Variants in DIAPH2 observed in about 807,000 individuals in gnomAD.
The protein encoded by DIAPH2 is protein diaphanous homolog 2.
Under a neutral mutation model 92.7 loss-of-function variants are expected in DIAPH2, and 35 were observed. The observed-to-expected ratio is 0.38, with a 90% CI of 0.29 to 0.50. The LOEUF is 0.50. DIAPH2 is among the 20% of genes least tolerant of loss of function. The pLI is 0.94. For synonymous variants in DIAPH2, 301 were observed against 280.4 expected, an observed-to-expected ratio of 1.07 and a Z score of -0.73; for missense variants, 701 against 819.5, an observed-to-expected ratio of 0.86 and a Z score of 1.77.
chrX:97,304,512 A>G (rs1226543372), intron 23 of DIAPH2, among the ~76,000 whole-genome samples: 1 of 112,300 alleles, frequency 8.9e-6, no homozygotes, highest in East Asian at 2.8e-4. Flanking sequence ...AAAGGCCCGG[A>G]TAGATATATT....
chrX:97,262,818 G>C (rs2068300205), intron 23 of DIAPH2, among the ~76,000 whole-genome samples: 1 of 112,010 alleles, frequency 8.9e-6, no homozygotes, highest in Non-Finnish European at 1.9e-5. Flanking sequence ...AGACGGAGAA[G>C]AGAGAGGTCC....
intron 22 of DIAPH2, among the ~76,000 whole-genome samples, chrX:97,186,272 T>C (rs2067604086): frequency 9.0e-6 from 1 of 111,562 alleles, no homozygotes; most frequent in Non-Finnish European, 1.9e-5. Flanking sequence ...AGTCACTGAT[T>C]TTTTTGAAAA....
intron 15 of DIAPH2, among the ~76,000 whole-genome samples, chrX:96,950,032 G>A (rs1440502075): frequency 9.0e-6 from 1 of 110,528 alleles, no homozygotes; most frequent in Non-Finnish European, 1.9e-5. Flanking sequence ...CCTACCCTTA[G>A]CCTGTATTAC....
At chrX:97,537,365 C>T (rs1451524539) in intron 26 of DIAPH2, among the ~76,000 whole-genome samples, 2 of 111,816 alleles carry the variant, frequency 1.8e-5, no homozygotes, top group Admixed American at 9.5e-5. Context: ...ATTTGAATGT[C>T]TATTGGGCAA....
intron 5 of DIAPH2, among the ~76,000 whole-genome samples, 177 bp downstream of exon 5, chrX:96,881,895 G>C (rs2065215363): frequency 9.0e-6 from 1 of 111,592 alleles, no homozygotes; most frequent in Non-Finnish European, 1.9e-5. Flanking sequence ...TATTTAGTTA[G>C]TTGGATCTCT....
chrX:97,161,376 T>C (rs2067371528), intron 22 of DIAPH2, among the ~76,000 whole-genome samples: 1 of 111,456 alleles, frequency 9.0e-6, no homozygotes, highest in African/African-American at 3.3e-5. Flanking sequence ...AACTATGTTA[T>C]ACTGGACTTC....
chrX:96,846,308 C>T (rs745973345), intron 4 of DIAPH2, among the ~76,000 whole-genome samples: 4 of 108,774 alleles, frequency 3.7e-5, no homozygotes, highest in South Asian at 4.1e-4. Context: ...CCACCACGCC[C>T]GGCTAATTTT....
At chrX:96,879,486 G>A (rs899364854) in intron 4 of DIAPH2, among the ~76,000 whole-genome samples, 1 of 111,919 alleles carries the variant, frequency 8.9e-6, no homozygotes, top group Non-Finnish European at 1.9e-5. Flanking sequence ...GTAGTTTTCA[G>A]ACTGGCACAT....
At chrX:96,963,692 C>T (rs1015508928) in intron 16 of DIAPH2, among the ~76,000 whole-genome samples, 7 of 111,097 alleles carry the variant, frequency 6.3e-5, no homozygotes, top group Non-Finnish European at 1.3e-4. Context: ...CCGCTCCTTC[C>T]GTGCCTCAGG....
intron 3 of DIAPH2, among the ~76,000 whole-genome samples, chrX:96,749,141 A>ATAT (rs1328474233): frequency 3.8e-5 from 3 of 79,101 alleles, no homozygotes; most frequent in African/African-American, 1.7e-4. Context: ...AAAAAAAAAA[A>ATAT]AAAAATATAT....
At chrX:97,527,938 C>G (rs1331646902) in intron 26 of DIAPH2, among the ~76,000 whole-genome samples, 1 of 111,386 alleles carries the variant, frequency 9.0e-6, no homozygotes, top group Non-Finnish European at 1.9e-5. Flanking sequence ...TGCTATGATT[C>G]TGGTCAGTTT....
chrX:96,927,689 G>A (rs750699848), intron 9 of DIAPH2, among the ~76,000 whole-genome samples: 2 of 111,133 alleles, frequency 1.8e-5, no homozygotes, highest in African/African-American at 6.5e-5. Context: ...ACTGTAGAGC[G>A]TGTGTGTGCG....
At chrX:97,269,629 A>G (rs2068368436) in intron 23 of DIAPH2, among the ~76,000 whole-genome samples, 1 of 112,150 alleles carries the variant, frequency 8.9e-6, no homozygotes, top group South Asian at 3.7e-4. Context: ...AGGAGGAAGC[A>G]TACTGGGTCA....
intron 22 of DIAPH2, among the ~76,000 whole-genome samples, chrX:97,157,001 A>G (rs1318149783): frequency 9.0e-6 from 1 of 111,720 alleles, no homozygotes; most frequent in East Asian, 2.8e-4. Context: ...GCTGGGCTGC[A>G]TGGTTAAGGG....
At chrX:96,939,466 A>G (rs2065679307) in intron 12 of DIAPH2, 84 bp downstream of exon 12, 1 of 287,591 alleles carries the variant, frequency 3.5e-6, no homozygotes, top group Non-Finnish European at 6.3e-6. Context: ...GGCCTAAGCA[A>G]TATATGCATA....
rs763907682 is a variant in DIAPH2, at chrX:97,201,773, C to T, written c.2720-45942C>T. Among the ~76,000 whole-genome samples, 12 of 110,912 alleles carry T rather than the reference C, an allele frequency of 1.1e-4. No individual in the cohort carries two copies. In the Admixed American group the frequency reaches 1.2e-3, roughly 11 times the overall value. ...ATATTATCCAGGAGAACGTCCCCAA[C>T]CTAGCAAGACAGGCCAACATTCAAA... On this transcript the variant is annotated intron_variant, in intron 22 of 26. Transcript: ENST00000324765.
At chrX:97,322,684 A>G (rs1421383883) in intron 23 of DIAPH2, among the ~76,000 whole-genome samples, 2 of 110,703 alleles carry the variant, frequency 1.8e-5, no homozygotes, top group Admixed American at 1.9e-4. Flanking sequence ...TTTTTAAAGA[A>G]TGAAAAAACA....
chrX:96,899,518 GCTCT>G (rs900047049), intron 5 of DIAPH2, among the ~76,000 whole-genome samples: 5 of 110,797 alleles, frequency 4.5e-5, no homozygotes, highest in African/African-American at 1.6e-4. Flanking sequence ...TCATGATTTG[GCTCT>G]CTGTTCGTCT....
chrX:97,494,250 C>T (rs1269872658), intron 26 of DIAPH2, among the ~76,000 whole-genome samples: 1 of 108,686 alleles, frequency 9.2e-6, no homozygotes, highest in African/African-American at 3.3e-5. Flanking sequence ...ACCAGGGAGG[C>T]GGAGGTTGCA....
Sources: gnomAD v4.1 joint callset for allele counts (sites outside exome capture counted in the v4.1 genomes callset) on GRCh38, gnomAD v4.1.1 for gene constraint, MANE v1.5 for transcripts, NCBI Gene and HGNC (gene_info 2026-07-23, HGNC 2026-07-21) for gene names.